Variants in ROR2 observed in about 807,000 individuals in gnomAD.
ROR2 encodes ROR family WNT receptor 2.
ROR2 carries 33 observed loss-of-function variants against 74.9 expected under a neutral mutation model. The observed-to-expected ratio is 0.44, with a 90% CI of 0.33 to 0.59. The LOEUF (loss-of-function observed/expected upper bound fraction) is 0.59. Ranked by LOEUF, ROR2 falls within the 20% of genes least tolerant of loss-of-function variation. ROR2 has a pLI of 0.02. For synonymous variants in ROR2, 586 were observed against 558.7 expected (o/e 1.05, Z -0.69); for missense variants, 1,216 against 1,313.8 (o/e 0.93, Z 1.15).
Position 91,949,925 on chromosome 9 carries a change from C to T in ROR2, c.39G>A (p.Leu13=). 1 of 1,522,694 alleles carries T rather than the reference C, an allele frequency of 6.6e-7. No individual in the cohort carries two copies. 94.3% of individuals were successfully genotyped at this position (1,522,694 alleles called of 1,614,324 possible). A position where few individuals can be genotyped will look rare whatever the true frequency, so the allele number is the denominator to read the frequency against. The change falls in exon 1 of 9, where the codon CTG becomes CTA. Residue 13 remains leucine (L), a synonymous_variant. Transcript: ENST00000375708. ...CGGCCGCCCAGACGGCCGGGATGCA[C>T]AGCAGCGGCCGCCGCGGGAGCGCCG... ...RGSALPRRPL[L]CIPAVWAAAA...
At chr9:91,916,557 A>C (rs1230869814) in intron 1 of ROR2, among the ~76,000 whole-genome samples, 1 of 152,108 alleles carries the variant, frequency 6.6e-6, no homozygotes, top group Non-Finnish European at 1.5e-5. Flanking sequence ...AATTAAGATA[A>C]TTCTTAAGTG....
intron 1 of ROR2, among the ~76,000 whole-genome samples, chr9:91,854,606 T>C (rs898773476): frequency 1.3e-5 from 2 of 152,232 alleles, no homozygotes; most frequent in African/African-American, 4.8e-5. Context: ...GCAAGTGTCC[T>C]CTTTTAAGGA....
chr9:91,825,117 G>A lies in ROR2; in HGVS notation c.98-49299C>T, dbSNP rs142378143. On this transcript the variant is annotated intron_variant, in intron 1 of 8. Coordinates refer to ENST00000375708, the MANE Select transcript of ROR2 (RefSeq NM_004560.4). ...GGGGGCCAACAAGAAAAACACATCT[G>A]TTTCCACCGCTGGCAGCATGTCTGT... Among the ~76,000 whole-genome samples the A allele has an allele frequency of 2.7e-3, 410 of 152,306 alleles. 3 individuals carry two copies. The highest frequency in any genetic ancestry group is 9.1e-3 in the African/African-American group (380 of 41,568).
rs1404483820 is a variant in ROR2 at position 91,723,891 on chromosome 9, G to A, written c.2603C>T (p.Ser868Phe). 1.2e-6 allele frequency: 2 copies of A among 1,613,904 alleles called. No homozygotes were observed. The highest frequency in any genetic ancestry group is 2.2e-5 in the East Asian group (1 of 44,896). ...CGTGGTGACGTAGCCTGTGCTGGTGGAGCCACTGCCACTGTGGTGTGAGCT... is the reference window on the plus strand; with the variant it reads ...CGTGGTGACGTAGCCTGTGCTGGTGAAGCCACTGCCACTGTGGTGTGAGCT... Reference protein sequence around the residue: ...KPSSHHSGSGSTSTGYVTTAP... With the variant: ...KPSSHHSGSGFTSTGYVTTAP... The change falls in exon 9 of 9, where the codon TCC becomes TTC. Residue 868 changes from serine (S) to phenylalanine (F), a missense_variant. Coordinates refer to ENST00000375708, the MANE Select transcript of ROR2 (RefSeq NM_004560.4).
intron 1 of ROR2, among the ~76,000 whole-genome samples, chr9:91,935,280 C>T (rs1766586980): frequency 6.6e-6 from 1 of 152,248 alleles, no homozygotes; most frequent in Non-Finnish European, 1.5e-5. Flanking sequence ...CACCCCTGCC[C>T]CTGCCCTGCG....
At position 91,723,432 on chromosome 9, in the gene ROR2, A is replaced by G. The variant is rs1836865596; in HGVS notation, c.*230T>C. ...GGGATGACCATGTGTCCTGCTCCCC[A>G]GGACGCCGTGCTGCCAGACCCCCTG... On this transcript the variant is annotated 3_prime_UTR_variant, in exon 9 of 9. Coordinates refer to ENST00000375708, the MANE Select transcript of ROR2 (RefSeq NM_004560.4). 3 of 607,292 alleles carry G rather than the reference A, an allele frequency of 4.9e-6. No individual in the cohort carries two copies. In the Admixed American group the frequency reaches 8.9e-5, roughly 18 times the overall value. The allele number at this position is 607,292 out of a possible 1,614,324, so 37.6% of individuals were successfully genotyped here.
At chr9:91,802,622 G>A (rs1026953067) in intron 1 of ROR2, among the ~76,000 whole-genome samples, 3 of 152,138 alleles carry the variant, frequency 2.0e-5, no homozygotes, top group African/African-American at 7.2e-5. Context: ...AGAGAGCTGG[G>A]GAGAGAGAGG....
chr9:91,937,016 C>A (rs1359298021), intron 1 of ROR2, among the ~76,000 whole-genome samples: 1 of 93,490 alleles, frequency 1.1e-5, no homozygotes, highest in Non-Finnish European at 2.0e-5. Context: ...GGCGACAGAG[C>A]GAGACTCCGT....
intron 5 of ROR2, among the ~76,000 whole-genome samples, chr9:91,735,688 C>T (rs1306838776): frequency 3.7e-5 from 5 of 136,856 alleles, no homozygotes; most frequent in Admixed American, 2.5e-4. Context: ...TGCAGTGGCG[C>T]GATCTGCAAC....
chr9:91,727,262 G>T (rs543029637), intron 7 of ROR2, among the ~76,000 whole-genome samples: 2 of 152,148 alleles, frequency 1.3e-5, no homozygotes, highest in Non-Finnish European at 2.9e-5. Flanking sequence ...TTCTTTTAGG[G>T]TAATAATTAA....
chr9:91,920,795 A>G lies in ROR2; in HGVS notation c.97+29072T>C, dbSNP rs1831245232. On this transcript the variant is annotated intron_variant, in intron 1 of 8. Coordinates refer to ENST00000375708, the MANE Select transcript of ROR2 (RefSeq NM_004560.4). ...ACAGAGCTACAGGCAGAAGAGGCGG[A>G]GACCCCACTATGGGGCACAAAGAAA... Among the ~76,000 whole-genome samples the G allele has an allele frequency of 2.0e-5, 3 of 152,248 alleles. No homozygotes were observed. In the South Asian group the frequency reaches 6.2e-4, roughly 32 times the overall value.
chr9:91,891,573 C>T (rs1830421279), intron 1 of ROR2, among the ~76,000 whole-genome samples: 1 of 152,204 alleles, frequency 6.6e-6, no homozygotes, highest in African/African-American at 2.4e-5. Flanking sequence ...CCGGCCCTAG[C>T]TGTGTTCCTT....
At chr9:91,792,525 G>A (rs1319925234) in intron 1 of ROR2, among the ~76,000 whole-genome samples, 3 of 152,134 alleles carry the variant, frequency 2.0e-5, no homozygotes, top group Admixed American at 2.0e-4. Flanking sequence ...AGCCAAGATG[G>A]TCTCGATCTC....
chr9:91,933,659 T>C (rs1177255148), intron 1 of ROR2, among the ~76,000 whole-genome samples: 1 of 152,234 alleles, frequency 6.6e-6, no homozygotes, highest in African/African-American at 2.4e-5. Context: ...ATGATCTCAC[T>C]GTGTATAAAA....
At chr9:91,788,611 T>A (rs1217588434) in intron 1 of ROR2, among the ~76,000 whole-genome samples, 1 of 151,948 alleles carries the variant, frequency 6.6e-6, no homozygotes, top group Non-Finnish European at 1.5e-5. Context: ...ACTCCTGTAA[T>A]CCCAGCACTT....
intron 1 of ROR2, among the ~76,000 whole-genome samples, chr9:91,864,425 G>A (rs188320695): frequency 1.2e-4 from 18 of 152,324 alleles, no homozygotes; most frequent in African/African-American, 4.1e-4. Context: ...AGACAGGGGA[G>A]GGGATAAGGA....
chr9:91,864,247 A>AG (rs1829560236), intron 1 of ROR2, among the ~76,000 whole-genome samples: 1 of 152,230 alleles, frequency 6.6e-6, no homozygotes, highest in South Asian at 2.1e-4. Context: ...CACTGCACCC[A>AG]GGGAAAGAGA....
rs533553484 is a variant in ROR2, at chr9:91,926,971, G to A, written c.97+22896C>T. ...TGAATGTTCTTGATGCTGCTGAACT[G>A]TATGCTCAAAACCAATTAAGATGGC... On this transcript the variant is annotated intron_variant, in intron 1 of 8. Transcript: ENST00000375708. Among the ~76,000 whole-genome samples, 16 of 152,244 alleles carry A rather than the reference G, an allele frequency of 1.1e-4. No individual in the cohort carries two copies. In the South Asian group the frequency reaches 3.3e-3, roughly 32 times the overall value.
chr9:91,725,251 C>A, intron 8 of ROR2, 144 bp from the exon 9 acceptor site: 1 of 1,371,274 alleles, frequency 7.3e-7, no homozygotes, highest in South Asian at 1.2e-5. Flanking sequence ...GCCCACCCAG[C>A]CTTGGCCTGC....
Sources: allele counts gnomAD v4.1 joint callset (sites outside exome capture counted in the v4.1 genomes callset), GRCh38; gene constraint gnomAD v4.1.1; transcripts MANE v1.5; gene names NCBI Gene and HGNC (gene_info 2026-07-23, HGNC 2026-07-21).